Variants in LRRC27 observed in about 807,000 individuals in gnomAD.
LRRC27 encodes leucine rich repeat containing 27.
Under a neutral mutation model 55.0 loss-of-function variants are expected in LRRC27, and 57 were observed. That is an observed-to-expected ratio of 1.04 (90% confidence interval 0.84 to 1.29). LRRC27 has a LOEUF of 1.29. Among genes scored for constraint, LRRC27 ranks in the 50% most tolerant of loss-of-function variants. LRRC27 has a pLI of 0.00. For missense variants in LRRC27, 721 were observed against 651.5 expected (o/e 1.11, Z -1.16); for synonymous variants, 278 against 251.9 (o/e 1.10, Z -0.98).
At position 132,365,419 on chromosome 10, in the gene LRRC27, C is replaced by T. The variant is rs761097447; in HGVS notation, c.1290-5C>T. ...TCATTTCCCTCTTTGCCCTTTGTTTCTCAGTGCCCTGCAGGAGAGAAATTT... is the reference window on the plus strand; with the variant it reads ...TCATTTCCCTCTTTGCCCTTTGTTTTTCAGTGCCCTGCAGGAGAGAAATTT... On this transcript the variant is annotated splice_region_variant and splice_polypyrimidine_tract_variant and intron_variant, in intron 9 of 10. Transcript: ENST00000368614. The T allele has an allele frequency of 1.9e-6, 3 of 1,613,328 alleles. No homozygotes were observed. In the Admixed American group the frequency reaches 5.0e-5, roughly 27 times the overall value.
At chr10:132,340,992 A>C (rs1187539693) in intron 3 of LRRC27, among the ~76,000 whole-genome samples, 2 of 152,192 alleles carry the variant, frequency 1.3e-5, no homozygotes, top group African/African-American at 4.8e-5. Flanking sequence ...CCAATAAAAA[A>C]ATTAAAGGTA....
chr10:132,351,887 G>A (rs943911123), intron 7 of LRRC27, 134 bp downstream of exon 7: 12 of 1,121,170 alleles, frequency 1.1e-5, no homozygotes, highest in African/African-American at 3.2e-5. Context: ...TCCAGGATCC[G>A]TCTCTTCCTC....
In LRRC27 at chr10:132,378,067, C is replaced by T. The variant is rs947595692; in HGVS notation, c.*2825C>T. 7 of 151,302 alleles carry T rather than the reference C, an allele frequency of 4.6e-5. No individual in the cohort carries two copies. The highest frequency in any genetic ancestry group is 2.1e-4 in the South Asian group (1 of 4,814). 9.4% of individuals were successfully genotyped at this position (151,302 alleles called of 1,614,324 possible). A position where few individuals can be genotyped will look rare whatever the true frequency, so the allele number is the denominator to read the frequency against. On this transcript the variant is annotated 3_prime_UTR_variant, in exon 11 of 11. Coordinates refer to ENST00000368614, the MANE Select transcript of LRRC27 (RefSeq NM_030626.3). ...CGTGGTGGCTGTAGTCGCAGCTACT[C>T]AGGAGGCTGAGGCGGGAGAATGGCG...
At chr10:132,364,555 ACACTTACACCCACGTCCACACCCTGGGGC>A (rs2068902275) in intron 9 of LRRC27, among the ~76,000 whole-genome samples, 2 of 48,660 alleles carry the variant, frequency 4.1e-5, no homozygotes, top group African/African-American at 7.3e-5. Flanking sequence ...CTCCACACCC[ACACTTACACCCACGTCCACACCCTGGGGC>A]CCCACACTCA....
chr10:132,362,586 C>T (rs1448257109), intron 9 of LRRC27, among the ~76,000 whole-genome samples: 9 of 152,150 alleles, frequency 5.9e-5, no homozygotes, highest in Non-Finnish European at 1.0e-4. Context: ...TGGAGAGTGA[C>T]AGCAGCTGTT....
chr10:132,333,790 G>A (rs2066963615), intron 2 of LRRC27, 56 bp downstream of exon 2: 6 of 1,334,984 alleles, frequency 4.5e-6, no homozygotes, highest in African/African-American at 1.5e-5. Flanking sequence ...AGACAGAAAT[G>A]GGAATGTACC....
rs907370084 is a variant in LRRC27, at chr10:132,377,617, T to C, written c.*2375T>C. 1 of 152,184 alleles carries C rather than the reference T, an allele frequency of 6.6e-6. No individual in the cohort carries two copies. The highest frequency in any genetic ancestry group is 1.5e-5 in the Non-Finnish European group (1 of 68,040). The allele number at this position is 152,184 out of a possible 1,614,324, so 9.4% of individuals were successfully genotyped here. On this transcript the variant is annotated 3_prime_UTR_variant, in exon 11 of 11. Coordinates refer to ENST00000368614, the MANE Select transcript of LRRC27 (RefSeq NM_030626.3). ...TCCTAGACATCAGTGTTTGCTTCACTTTACCCATCCCGATGCTCTTCCTTC... is the reference window on the plus strand; with the variant it reads ...TCCTAGACATCAGTGTTTGCTTCACCTTACCCATCCCGATGCTCTTCCTTC...
intron 9 of LRRC27, among the ~76,000 whole-genome samples, chr10:132,362,857 AC>A (rs1437450610): frequency 1.0e-5 from 1 of 96,934 alleles, no homozygotes; most frequent in Non-Finnish European, 2.1e-5. Context: ...GGGTTCATGA[AC>A]CCTCTCACCT....
chr10:132,332,981 C>T lies in LRRC27; in HGVS notation c.-48-496C>T, dbSNP rs190873074. Among the ~76,000 whole-genome samples, 28 of 152,244 alleles carry T rather than the reference C, an allele frequency of 1.8e-4. No individual in the cohort carries two copies. In the East Asian group the frequency reaches 3.1e-3, roughly 17 times the overall value. On this transcript the variant is annotated intron_variant, in intron 1 of 10. Coordinates refer to ENST00000368614, the MANE Select transcript of LRRC27 (RefSeq NM_030626.3). ...GAGATTAATTTAACAGGTTTTTCCC[C>T]GGTGCTTAACTGGGTGTAAGCCAGA...
At chr10:132,342,296 G>T (rs2138674125) in intron 4 of LRRC27, 25 bp downstream of exon 4, 6 of 1,403,802 alleles carry the variant, frequency 4.3e-6, no homozygotes, top group South Asian at 1.3e-5. Context: ...ATAAAAAGAT[G>T]ATTTTAAAAT....
At chr10:132,339,512 G>C (rs1427701100) in intron 3 of LRRC27, among the ~76,000 whole-genome samples, 1 of 152,232 alleles carries the variant, frequency 6.6e-6, no homozygotes, top group African/African-American at 2.4e-5. Flanking sequence ...TGGAGGAGAA[G>C]AGTGTTCCGG....
intron 1 of LRRC27, among the ~76,000 whole-genome samples, chr10:132,333,188 C>T (rs1044828917): frequency 6.6e-6 from 1 of 152,176 alleles, no homozygotes; most frequent in African/African-American, 2.4e-5. Context: ...TGAAATGTTC[C>T]GATCTGTTTA....
upstream of LRRC27, chr10:132,331,792 G>C (rs372900819): frequency 1.2e-6 from 2 of 1,604,830 alleles, no homozygotes; most frequent in South Asian, 2.2e-5. Flanking sequence ...GACCCTCGCG[G>C]TCTCTACTTG....
intron 8 of LRRC27, among the ~76,000 whole-genome samples, chr10:132,357,564 A>G (rs1246222475): frequency 6.6e-6 from 1 of 152,168 alleles, no homozygotes; most frequent in Non-Finnish European, 1.5e-5. Flanking sequence ...CACAAGTTGT[A>G]GGACAGTGCA....
intron 1 of LRRC27, chr10:132,332,574 T>C (rs2066842290): frequency 6.6e-6 from 1 of 152,214 alleles, no homozygotes; most frequent in African/African-American, 2.4e-5. Flanking sequence ...GGTTTTAAGA[T>C]ACTTTCCCTG....
At chr10:132,344,354 C>T (rs1459543337) in intron 4 of LRRC27, 144 bp from the exon 5 acceptor site, 4 of 855,958 alleles carry the variant, frequency 4.7e-6, no homozygotes, top group Non-Finnish European at 6.7e-6. Context: ...TAAAGCAAAT[C>T]TTTGACATCT....
At position 132,380,256 on chromosome 10, in the gene LRRC27, A is replaced by G. The variant is rs2069394104; in HGVS notation, c.*5014A>G. 6.6e-6 allele frequency among the ~76,000 whole-genome samples: 1 copy of G among 151,792 alleles called. No homozygotes were observed. The highest frequency in any genetic ancestry group is 2.4e-5 in the African/African-American group (1 of 41,230). On this transcript the variant is annotated 3_prime_UTR_variant, in exon 11 of 11. Transcript: ENST00000368614. ...GGTTGCAGTGAGCCGAGATCACGCC[A>G]TTGCACTCCAGCCTGGGCAACAAGA...
intron 9 of LRRC27, among the ~76,000 whole-genome samples, chr10:132,364,586 C>CCA (rs1169229681): frequency 8.4e-6 from 1 of 119,532 alleles, no homozygotes; most frequent in East Asian, 2.3e-4. Flanking sequence ...CCCTGGGGCC[C>CCA]CACACTCAGG....
At chr10:132,330,466 C>T (rs1217276520), upstream of LRRC27, 1 of 717,208 alleles carries the variant, frequency 1.4e-6, no homozygotes, top group Admixed American at 2.0e-5. Flanking sequence ...TGAGAAGGTA[C>T]TGGTTGTGCT....
Sources: gnomAD v4.1 joint callset for allele counts (sites outside exome capture counted in the v4.1 genomes callset) on GRCh38, gnomAD v4.1.1 for gene constraint, MANE v1.5 for transcripts, NCBI Gene and HGNC (gene_info 2026-07-23, HGNC 2026-07-21) for gene names.